The following SLC39A11 variants were observed in gnomAD, a reference collection of about 807,000 sequenced individuals.
SLC39A11 encodes zinc transporter ZIP11.
SLC39A11 carries 33 observed loss-of-function variants against 36.1 expected under a neutral mutation model. That is an observed-to-expected ratio of 0.91 (90% CI 0.69 to 1.22). The LOEUF (loss-of-function observed/expected upper bound fraction) is 1.22. Ranked by LOEUF, SLC39A11 falls within the 50% of genes most tolerant of loss-of-function variation. The probability of loss-of-function intolerance (pLI) is 0.00; values close to 1 mark genes in which losing one functional copy is unlikely to be tolerated. For synonymous variants in SLC39A11, 166 were observed against 170.3 expected (o/e 0.97, Z 0.20); for missense variants, 432 against 430.3 (o/e 1.00, Z -0.03).
intron 6 of SLC39A11, among the ~76,000 whole-genome samples, chr17:72,811,401 C>T (rs887743185): frequency 6.6e-6 from 1 of 152,210 alleles, no homozygotes; most frequent in African/African-American, 2.4e-5. Context: ...GGGGTACAAA[C>T]ATTCAGGCCA....
intron 4 of SLC39A11, among the ~76,000 whole-genome samples, chr17:72,966,860 C>T (rs894823882): frequency 2.6e-5 from 4 of 152,208 alleles, no homozygotes; most frequent in Non-Finnish European, 4.4e-5. Context: ...TCAGCCACCA[C>T]GCCCGGCCGC....
intron 3 of SLC39A11, among the ~76,000 whole-genome samples, chr17:73,060,661 T>C (rs1474592067): frequency 6.7e-6 from 1 of 149,674 alleles, no homozygotes; most frequent in Non-Finnish European, 1.5e-5. Context: ...GGAGATATTA[T>C]ACGAATTAGG....
intron 7 of SLC39A11, among the ~76,000 whole-genome samples, chr17:72,675,676 C>T (rs989249928): frequency 8.5e-5 from 12 of 141,740 alleles, no homozygotes; most frequent in Non-Finnish European, 1.7e-4. Context: ...TGATGCCCGG[C>T]GCCAGATGTC....
chr17:72,739,655 G>A (rs2074587960), intron 6 of SLC39A11, among the ~76,000 whole-genome samples: 1 of 152,120 alleles, frequency 6.6e-6, no homozygotes. Flanking sequence ...CTCTCAGCGT[G>A]CACGTGCACA....
At chr17:72,893,859 G>A (rs1165143041) in intron 5 of SLC39A11, among the ~76,000 whole-genome samples, 1 of 152,128 alleles carries the variant, frequency 6.6e-6, no homozygotes, top group Non-Finnish European at 1.5e-5. Flanking sequence ...AGGTGACTAA[G>A]GCACTTACCA....
chr17:73,075,206 T>C (rs1273015391), intron 3 of SLC39A11, among the ~76,000 whole-genome samples: 1 of 152,186 alleles, frequency 6.6e-6, no homozygotes, highest in Non-Finnish European at 1.5e-5. Flanking sequence ...ACAATTACAA[T>C]GAAAAGATGT....
At chr17:72,966,021 C>T (rs2086947568) in intron 4 of SLC39A11, among the ~76,000 whole-genome samples, 3 of 152,214 alleles carry the variant, frequency 2.0e-5, no homozygotes, top group Admixed American at 2.0e-4. Flanking sequence ...GTTTCCAAGC[C>T]ACTTGTAGAA....
intron 3 of SLC39A11, among the ~76,000 whole-genome samples, chr17:73,056,180 T>A (rs2059663353): frequency 6.6e-6 from 1 of 151,756 alleles, no homozygotes; most frequent in Non-Finnish European, 1.5e-5. Flanking sequence ...TTTGTTTGTT[T>A]TTTTTTGAGA....
chr17:73,041,093 G>A (rs2059099916), intron 3 of SLC39A11, among the ~76,000 whole-genome samples: 1 of 151,334 alleles, frequency 6.6e-6, no homozygotes, highest in African/African-American at 2.4e-5. Context: ...AATTTTCAAA[G>A]GTTTACTACA....
chr17:72,688,110 A>G (rs559352170), intron 7 of SLC39A11, among the ~76,000 whole-genome samples: 1 of 152,156 alleles, frequency 6.6e-6, no homozygotes, highest in Admixed American at 6.5e-5. Context: ...ACGACTACGA[A>G]CTTCAGGGAA....
intron 6 of SLC39A11, among the ~76,000 whole-genome samples, chr17:72,834,342 C>T (rs2145759180): frequency 6.6e-6 from 1 of 152,346 alleles, no homozygotes; most frequent in East Asian, 1.9e-4. Flanking sequence ...TCTTACTAGG[C>T]TGGGCACGGT....
intron 5 of SLC39A11, among the ~76,000 whole-genome samples, chr17:72,939,258 C>T (rs944747003): frequency 1.3e-5 from 2 of 152,200 alleles, no homozygotes; most frequent in Non-Finnish European, 2.9e-5. Flanking sequence ...GTCAGGAGTT[C>T]GAAACCAGCC....
intron 6 of SLC39A11, among the ~76,000 whole-genome samples, chr17:72,834,893 A>G (rs776791425): frequency 3.3e-5 from 5 of 152,258 alleles, no homozygotes; most frequent in Non-Finnish European, 7.3e-5. Context: ...CTCTGGCTGT[A>G]GCTTCCTTGA....
At chr17:72,716,527 C>T (rs1376704430) in intron 7 of SLC39A11, among the ~76,000 whole-genome samples, 1 of 151,664 alleles carries the variant, frequency 6.6e-6, no homozygotes, top group African/African-American at 2.4e-5. Context: ...AAAGCCGCCG[C>T]TCTTCTCCAA....
chr17:72,967,883 G>A (rs768008906), intron 4 of SLC39A11, among the ~76,000 whole-genome samples: 5 of 152,168 alleles, frequency 3.3e-5, no homozygotes, highest in Non-Finnish European at 7.3e-5. Flanking sequence ...GCAGAGCTAA[G>A]GAGGGCGCTT....
chr17:72,883,634 G>A (rs1485932383), intron 5 of SLC39A11, among the ~76,000 whole-genome samples: 2 of 152,148 alleles, frequency 1.3e-5, no homozygotes, highest in Non-Finnish European at 1.5e-5. Flanking sequence ...ACTGAGAAAT[G>A]ACCGAGGAAT....
intron 3 of SLC39A11, among the ~76,000 whole-genome samples, chr17:73,054,968 AG>A (rs1372496828): frequency 6.6e-6 from 1 of 152,194 alleles, no homozygotes; most frequent in Non-Finnish European, 1.5e-5. Context: ...GGAAGGGATC[AG>A]GGTCCAGAAG....
At chr17:72,739,307 A>G (rs546415718) in intron 6 of SLC39A11, among the ~76,000 whole-genome samples, 81 of 152,000 alleles carry the variant, frequency 5.3e-4, no homozygotes, top group African/African-American at 1.9e-3. Flanking sequence ...TTGTACTTTT[A>G]GTAGAGACAG....
chr17:72,963,730 C>G (rs865865636), intron 4 of SLC39A11, among the ~76,000 whole-genome samples: 3 of 152,126 alleles, frequency 2.0e-5, no homozygotes, highest in Non-Finnish European at 4.4e-5. Flanking sequence ...TAAATGACAA[C>G]AAGTCATTAT....
Sources: gnomAD v4.1 joint callset for allele counts (sites outside exome capture counted in the v4.1 genomes callset) on GRCh38, gnomAD v4.1.1 for gene constraint, MANE v1.5 for transcripts, NCBI Gene and HGNC (gene_info 2026-07-23, HGNC 2026-07-21) for gene names.